TAFA2: variants seen among roughly 807,000 people sequenced by gnomAD.
TAFA2 encodes TAFA chemokine like family member 2.
In TAFA2, 7 loss-of-function variants were observed where a neutral mutation model predicts 18.8. That is an observed-to-expected ratio of 0.37 (90% CI 0.21 to 0.70). The LOEUF is 0.70. TAFA2 is among the 30% of genes least tolerant of loss of function. The pLI is 0.53. For synonymous variants in TAFA2, 60 were observed against 54.2 expected (o/e 1.11, Z -0.47); for missense variants, 122 against 158.1 (o/e 0.77, Z 1.23).
At chr12:62,056,132 A>C (rs1416560601) in intron 1 of TAFA2, among the ~76,000 whole-genome samples, 2 of 152,296 alleles carry the variant, frequency 1.3e-5, no homozygotes, top group East Asian at 3.9e-4. Context: ...TTTTTGAAAA[A>C]TGGAAATTAT....
intron 1 of TAFA2, among the ~76,000 whole-genome samples, chr12:62,099,489 C>T (rs1337750223): frequency 6.6e-6 from 1 of 152,170 alleles, no homozygotes; most frequent in Admixed American, 6.5e-5. Flanking sequence ...TAACTACAGA[C>T]TCACACCTGC....
At chr12:61,915,679 A>T (rs1353783826) in intron 1 of TAFA2, among the ~76,000 whole-genome samples, 2 of 152,172 alleles carry the variant, frequency 1.3e-5, no homozygotes, top group East Asian at 3.9e-4. Context: ...GAGAACTGTG[A>T]GAGGGGAAGT....
At chr12:61,991,466 A>G (rs1470532129) in intron 1 of TAFA2, among the ~76,000 whole-genome samples, 2 of 152,188 alleles carry the variant, frequency 1.3e-5, no homozygotes, top group Non-Finnish European at 2.9e-5. Flanking sequence ...GCTTCATTTT[A>G]TCTACCATAA....
chr12:61,813,283 G>A (rs1871948222), intron 2 of TAFA2, among the ~76,000 whole-genome samples: 1 of 151,262 alleles, frequency 6.6e-6, no homozygotes. Context: ...ACTTTTCATA[G>A]TATGTCTTCC....
chr12:61,761,707 G>A (rs1869554024), intron 2 of TAFA2, among the ~76,000 whole-genome samples: 1 of 152,024 alleles, frequency 6.6e-6, no homozygotes, highest in Non-Finnish European at 1.5e-5. Flanking sequence ...AGTTGGCCAA[G>A]ATAAAATACT....
At chr12:61,772,101 C>T (rs1870054299) in intron 2 of TAFA2, among the ~76,000 whole-genome samples, 1 of 151,904 alleles carries the variant, frequency 6.6e-6, no homozygotes, top group Non-Finnish European at 1.5e-5. Flanking sequence ...CTATAAACAC[C>T]TTCATGTTCA....
At chr12:61,905,621 T>C (rs560914482) in intron 1 of TAFA2, among the ~76,000 whole-genome samples, 8 of 152,288 alleles carry the variant, frequency 5.3e-5, no homozygotes, top group Admixed American at 2.0e-4. Flanking sequence ...AGATAGATCA[T>C]TGTTACATAT....
chr12:62,131,801 A>G (rs1870696771), intron 1 of TAFA2, among the ~76,000 whole-genome samples: 2 of 151,984 alleles, frequency 1.3e-5, no homozygotes, highest in Non-Finnish European at 2.9e-5. Context: ...TTAGTATATC[A>G]CTGTTCAACC....
intron 1 of TAFA2, among the ~76,000 whole-genome samples, chr12:62,064,757 T>C (rs1417057207): frequency 2.0e-5 from 3 of 152,096 alleles, no homozygotes; most frequent in Non-Finnish European, 4.4e-5. Flanking sequence ...TTTAGTTCAC[T>C]ATGTATTAAT....
At chr12:62,083,222 T>C (rs79969988) in intron 1 of TAFA2, among the ~76,000 whole-genome samples, 8,227 of 151,738 alleles carry the variant, frequency 0.054, 334 homozygotes, top group Non-Finnish European at 0.083. Context: ...ATAAATCTCG[T>C]ATGACCTGAT....
intron 1 of TAFA2, among the ~76,000 whole-genome samples, chr12:62,223,838 A>G (rs949774726): frequency 1.1e-4 from 17 of 152,194 alleles, no homozygotes; most frequent in Non-Finnish European, 4.4e-5. Context: ...TAAAGGAAAC[A>G]TAAGATAGTA....
chr12:62,196,689 AAGACCAGTGATCAC>A (rs2062650383), upstream of TAFA2, among the ~76,000 whole-genome samples: 1 of 152,116 alleles, frequency 6.6e-6, no homozygotes, highest in African/African-American at 2.4e-5. Flanking sequence ...AGTAACATCA[AAGACCAGTGATCAC>A]AGACCGCCAT....
At chr12:61,893,526 G>C (rs1321652571) in intron 1 of TAFA2, among the ~76,000 whole-genome samples, 3 of 152,118 alleles carry the variant, frequency 2.0e-5, no homozygotes, top group African/African-American at 7.2e-5. Flanking sequence ...AGTGAGAGGG[G>C]AGAATGGCAG....
intron 1 of TAFA2, among the ~76,000 whole-genome samples, chr12:62,151,494 A>G (rs746291570): frequency 1.6e-4 from 25 of 152,232 alleles, no homozygotes; most frequent in Non-Finnish European, 3.2e-4. Flanking sequence ...ATGACAATAT[A>G]TATGGTTCAT....
chr12:61,738,793 C>A (rs765882442), intron 4 of TAFA2, among the ~76,000 whole-genome samples: 1 of 152,004 alleles, frequency 6.6e-6, no homozygotes, highest in Non-Finnish European at 1.5e-5. Context: ...AAGAGACAGA[C>A]CAACCTCCAA....
chr12:61,844,134 G>T (rs1447156366), intron 2 of TAFA2, among the ~76,000 whole-genome samples: 2 of 151,990 alleles, frequency 1.3e-5, no homozygotes, highest in Non-Finnish European at 2.9e-5. Flanking sequence ...AATAATTTCT[G>T]CCCTGGAACA....
chr12:61,914,319 G>T lies in TAFA2; in HGVS notation c.-1-46893C>A, dbSNP rs530713427. Among the ~76,000 whole-genome samples, 25 of 152,258 alleles carry T rather than the reference G, an allele frequency of 1.6e-4. 1 individual carries two copies. The highest frequency in any genetic ancestry group is 5.1e-4 in the African/African-American group (21 of 41,540). On this transcript the variant is annotated intron_variant, in intron 1 of 4. Transcript: ENST00000416284. ...CATGAATTTCTACTTAGGGTCTAAA[G>T]TTAGCCTCACACCAGAAAAAGGAAG... is the stretch of plus-strand genomic sequence containing the variant.
At chr12:62,222,442 T>C (rs2062766913) in intron 1 of TAFA2, among the ~76,000 whole-genome samples, 1 of 152,170 alleles carries the variant, frequency 6.6e-6, no homozygotes, top group South Asian at 2.1e-4. Context: ...GAAGTGTAAG[T>C]GAAAATGGTG....
chr12:61,932,822 C>A (rs569759266), intron 1 of TAFA2, among the ~76,000 whole-genome samples: 2 of 152,162 alleles, frequency 1.3e-5, no homozygotes, highest in Non-Finnish European at 2.9e-5. Context: ...TGCACCTAAC[C>A]AGCTCCCTTA....
Sources: allele counts gnomAD v4.1 joint callset (sites outside exome capture counted in the v4.1 genomes callset), GRCh38; gene constraint gnomAD v4.1.1; transcripts MANE v1.5; gene names NCBI Gene and HGNC (gene_info 2026-07-23, HGNC 2026-07-21).